Variants in DSCAML1 observed in about 807,000 individuals in gnomAD.
The protein encoded by DSCAML1 is DS cell adhesion molecule like 1, also known as cell adhesion molecule DSCAML1.
In DSCAML1, 38 loss-of-function variants were observed where a neutral mutation model predicts 200.5. The observed-to-expected ratio is 0.19, with a 90% confidence interval of 0.15 to 0.25. The LOEUF is 0.25. Ranked by LOEUF, DSCAML1 falls within the 10% of genes least tolerant of loss-of-function variation. The probability of loss-of-function intolerance (pLI) is 1.00; values close to 1 mark genes in which losing one functional copy is unlikely to be tolerated. For missense variants in DSCAML1, 2,223 were observed against 2,858.8 expected (o/e 0.78, Z 5.07); for synonymous variants, 1,215 against 1,165.0 (o/e 1.04, Z -0.87).
intron 16 of DSCAML1, among the ~76,000 whole-genome samples, chr11:117,467,127 C>T (rs1367294304): frequency 1.3e-5 from 2 of 151,994 alleles, no homozygotes; most frequent in African/African-American, 2.4e-5. Context: ...CTGGAAAACT[C>T]TCATCCCAGG....
chr11:117,483,298 G>C (rs567513337), intron 11 of DSCAML1, among the ~76,000 whole-genome samples: 2 of 152,314 alleles, frequency 1.3e-5, no homozygotes, highest in Admixed American at 6.5e-5. Context: ...CCTCTGGAGG[G>C]AGGGGAAGAC....
chr11:117,568,373 G>A lies in DSCAML1; in HGVS notation c.512-35851C>T, dbSNP rs2050791065. ...AACATAGTGTTGGAAGTTCTGGCCA[G>A]GGCAATCAGGCAGGAGAAGGAAATA... On this transcript the variant is annotated intron_variant, in intron 3 of 32. Coordinates refer to ENST00000651296, the MANE Select transcript of DSCAML1 (RefSeq NM_020693.4). 2.6e-5 allele frequency among the ~76,000 whole-genome samples: 4 copies of A among 152,240 alleles called. No individual in the cohort carries two copies. The South Asian group carries it at 8.3e-4, about 32-fold the overall frequency.
Position 117,472,010 on chromosome 11 carries a change from G to A in DSCAML1, c.2812C>T (p.Arg938Cys), listed in dbSNP as rs763133448. 1.8e-5 allele frequency: 29 copies of A among 1,614,140 alleles called. No homozygotes were observed. The highest frequency in any genetic ancestry group is 3.3e-5 in the South Asian group (3 of 91,068). ...SDSWDFKQST[R>C]NISPTINQAN... ...TGGTTGATGGTGGGGGAGATGTTGC[G>A]TGTGGACTGCTTGAAGTCCCAGGAA... The change falls in exon 15 of 33, where the codon CGC becomes TGC. Residue 938 changes from arginine to cysteine, a missense_variant. This residue lies in a region of DSCAML1 where 438 missense variants were observed against 629.7 expected (regional missense o/e 0.70). Coordinates refer to ENST00000651296, the MANE Select transcript of DSCAML1 (RefSeq NM_020693.4).
intron 3 of DSCAML1, among the ~76,000 whole-genome samples, chr11:117,590,908 G>A (rs1368587430): frequency 6.6e-6 from 1 of 152,204 alleles, no homozygotes; most frequent in Non-Finnish European, 1.5e-5. Flanking sequence ...GATTCGTACT[G>A]AGTGTATGTA....
chr11:117,565,404 A>T (rs577490636), intron 3 of DSCAML1, among the ~76,000 whole-genome samples: 3 of 152,350 alleles, frequency 2.0e-5, no homozygotes, highest in African/African-American at 7.2e-5. Flanking sequence ...ATCTATATCT[A>T]ACACTAGGTC....
At chr11:117,752,859 C>T (rs2054625845) in intron 3 of DSCAML1, among the ~76,000 whole-genome samples, 1 of 152,238 alleles carries the variant, frequency 6.6e-6, no homozygotes, top group South Asian at 2.1e-4. Flanking sequence ...ACTGAGCAGG[C>T]TCTCCCAGGG....
chr11:117,548,920 T>C (rs1172276340), intron 3 of DSCAML1, among the ~76,000 whole-genome samples: 1 of 152,228 alleles, frequency 6.6e-6, no homozygotes, highest in Non-Finnish European at 1.5e-5. Flanking sequence ...CTCTGCTTTT[T>C]CATGCCTTGG....
intron 3 of DSCAML1, among the ~76,000 whole-genome samples, chr11:117,688,913 G>A (rs1429014881): frequency 5.9e-5 from 9 of 152,192 alleles, no homozygotes; most frequent in African/African-American, 2.2e-4. Context: ...ACTCTCCATG[G>A]AAAGTGAGTA....
At chr11:117,646,439 C>A (rs538672897) in intron 3 of DSCAML1, among the ~76,000 whole-genome samples, 3 of 152,282 alleles carry the variant, frequency 2.0e-5, no homozygotes, top group South Asian at 4.2e-4. Context: ...GGGATCCCCC[C>A]CAAGTCCTAC....
chr11:117,783,362 G>A (rs1483667883), intron 1 of DSCAML1, among the ~76,000 whole-genome samples: 1 of 152,120 alleles, frequency 6.6e-6, no homozygotes, highest in Non-Finnish European at 1.5e-5. Context: ...CCCCGACAAG[G>A]AGGAATTCAG....
chr11:117,780,361 A>G lies in DSCAML1; in HGVS notation c.364+132T>C, dbSNP rs1279065721. ...CCTATGGACACACAGCAAGTGGTAC[A>G]ACAAAGATTCAAAAGAGAACAACAA... On this transcript the variant is annotated intron_variant, in intron 2 of 32. Transcript: ENST00000651296. The surrounding 1 kb of genome is among the most constrained non-coding windows in gnomAD (Gnocchi z 4.8). 1 of 692,960 alleles carries G rather than the reference A, an allele frequency of 1.4e-6. No homozygotes were observed. 42.9% of individuals were successfully genotyped at this position (692,960 alleles called of 1,614,324 possible).
chr11:117,672,297 C>T (rs1326737996), intron 3 of DSCAML1, among the ~76,000 whole-genome samples: 1 of 151,938 alleles, frequency 6.6e-6, no homozygotes, highest in Non-Finnish European at 1.5e-5. Flanking sequence ...CAGGCAGTCC[C>T]TGTTGTATAA....
chr11:117,651,655 T>A (rs915047645), intron 3 of DSCAML1, among the ~76,000 whole-genome samples: 17 of 130,496 alleles, frequency 1.3e-4, no homozygotes, highest in Admixed American at 1.2e-3. Flanking sequence ...GAGCTTGCAG[T>A]GAGCCGAGAT....
chr11:117,593,558 G>C (rs1171003963), intron 3 of DSCAML1, among the ~76,000 whole-genome samples: 1 of 152,250 alleles, frequency 6.6e-6, no homozygotes, highest in African/African-American at 2.4e-5. Flanking sequence ...GGCCGGGACA[G>C]CACTGCAACT....
chr11:117,545,375 T>G (rs2050354344), intron 3 of DSCAML1, among the ~76,000 whole-genome samples: 1 of 152,130 alleles, frequency 6.6e-6, no homozygotes, highest in Non-Finnish European at 1.5e-5. Flanking sequence ...GCCATGACCT[T>G]GACCTTAGAC....
rs563531611 is a variant in DSCAML1 at position 117,439,682 on chromosome 11, G to A, written c.3980+137C>T. On this transcript the variant is annotated intron_variant, in intron 22 of 32. Transcript: ENST00000651296. ...AGGCCTGCTTGAGAGAGCAGTAGCA[G>A]CACACCCTGCAGGGCCTCTGCAGGC... is the stretch of plus-strand genomic sequence containing the variant. 7.9e-6 allele frequency: 7 copies of A among 883,102 alleles called. No individual in the cohort carries two copies. The African/African-American group carries it at 1.0e-4, about 13-fold the overall frequency. The allele number at this position is 883,102 out of a possible 1,614,324, so 54.7% of individuals were successfully genotyped here.
intron 1 of DSCAML1, among the ~76,000 whole-genome samples, chr11:117,790,330 G>A (rs955134012): frequency 5.3e-5 from 8 of 152,198 alleles, no homozygotes; most frequent in African/African-American, 1.7e-4. Flanking sequence ...AGGGAGAAGA[G>A]GTAGGCTTCC....
At chr11:117,450,128 G>A (rs185855479) in intron 20 of DSCAML1, among the ~76,000 whole-genome samples, 4 of 152,318 alleles carry the variant, frequency 2.6e-5, no homozygotes, top group Admixed American at 1.3e-4. Flanking sequence ...ATGTGGAGGC[G>A]CTTATGCAGG....
At chr11:117,600,190 C>T (rs1311022444) in intron 3 of DSCAML1, among the ~76,000 whole-genome samples, 2 of 152,350 alleles carry the variant, frequency 1.3e-5, no homozygotes, top group Admixed American at 6.5e-5. Flanking sequence ...CCTGACCACC[C>T]TCACATCTTC....
Sources: allele counts gnomAD v4.1 joint callset (sites outside exome capture counted in the v4.1 genomes callset), GRCh38; gene constraint gnomAD v4.1.1; regional missense constraint gnomAD v4.1.1; non-coding constraint Gnocchi (gnomAD v3.1); transcripts MANE v1.5; gene names NCBI Gene and HGNC (gene_info 2026-07-23, HGNC 2026-07-21).